Variants in ZNF136 observed in about 807,000 individuals in gnomAD.
The protein encoded by ZNF136 is zinc finger protein 136.
Under a neutral mutation model 11.4 loss-of-function variants are expected in ZNF136, and 8 were observed. That is an observed-to-expected ratio of 0.70 (90% CI 0.41 to 1.27). The LOEUF (loss-of-function observed/expected upper bound fraction) is 1.27, where lower values mean the gene tolerates loss of function less well. ZNF136 is among the 50% of genes most tolerant of loss of function. ZNF136 has a pLI of 0.01. For missense variants in ZNF136, 590 were observed against 656.5 expected (o/e 0.90, Z 1.11); for synonymous variants, 190 against 207.1 (o/e 0.92, Z 0.71).
Position 12,186,083 on chromosome 19 carries a change from A to G in ZNF136, c.131-31A>G, listed in dbSNP as rs764384908. Reference sequence around the variant, plus strand: ...AATAATTTTTCTATAATTTTGCACTAATTCAGAATTTTTCTGGGTCTCTGT... The same window carrying G: ...AATAATTTTTCTATAATTTTGCACTGATTCAGAATTTTTCTGGGTCTCTGT... On this transcript the variant is annotated intron_variant, in intron 2 of 3. Coordinates refer to ENST00000343979, the MANE Select transcript of ZNF136 (RefSeq NM_003437.5). The G allele has an allele frequency of 5.0e-6, 8 of 1,600,884 alleles. No individual in the cohort carries two copies. The South Asian group carries it at 9.1e-5, about 18-fold the overall frequency.
chr19:12,181,181 A>T (rs548782177), intron 1 of ZNF136, among the ~76,000 whole-genome samples: 2 of 152,344 alleles, frequency 1.3e-5, no homozygotes, highest in East Asian at 3.9e-4. Context: ...GAGACCCCGA[A>T]GATGGGAAAT....
chr19:12,168,040 TTTTTTCTTTTC>T, intron 1 of ZNF136, among the ~76,000 whole-genome samples: 1 of 150,388 alleles, frequency 6.6e-6, no homozygotes. Flanking sequence ...ATGCCCATTT[TTTTTTCTTTTC>T]TTTTTCTTTT....
At chr19:12,182,249 CTCTT>C (rs769903548) in intron 1 of ZNF136, among the ~76,000 whole-genome samples, 10 of 152,038 alleles carry the variant, frequency 6.6e-5, no homozygotes, top group Non-Finnish European at 1.2e-4. Flanking sequence ...CTTTGTGTCT[CTCTT>C]TTATCTTCTC....
rs569466391 is a variant in ZNF136, at chr19:12,170,374, G to A, written c.3+7168G>A. On this transcript the variant is annotated intron_variant, in intron 1 of 3. Transcript: ENST00000343979. ...GTAATTGTTGTTTTTGTCTCCAAGTGCTAATGCTTCATAAACTTCTTTTTT... is the reference window on the plus strand; with the variant it reads ...GTAATTGTTGTTTTTGTCTCCAAGTACTAATGCTTCATAAACTTCTTTTTT... 2.0e-5 allele frequency among the ~76,000 whole-genome samples: 3 copies of A among 152,080 alleles called. No individual in the cohort carries two copies. In the South Asian group the frequency reaches 6.2e-4, roughly 32 times the overall value.
chr19:12,182,517 G>C (rs1914970869), intron 1 of ZNF136, among the ~76,000 whole-genome samples: 1 of 152,226 alleles, frequency 6.6e-6, no homozygotes, highest in Non-Finnish European at 1.5e-5. Flanking sequence ...CCTCTGAAAA[G>C]CTCACCTCTT....
At chr19:12,174,289 T>A (rs762593159) in intron 1 of ZNF136, among the ~76,000 whole-genome samples, 4 of 152,292 alleles carry the variant, frequency 2.6e-5, no homozygotes, top group Non-Finnish European at 5.9e-5. Context: ...GTGAGGGGAA[T>A]AGCAAGGTGT....
intron 1 of ZNF136, among the ~76,000 whole-genome samples, chr19:12,171,981 T>C (rs936037357): frequency 2.5e-4 from 37 of 148,374 alleles, no homozygotes; most frequent in South Asian, 6.3e-4. Context: ...TCTCTCTCTT[T>C]TTTTTTTTTT....
Position 12,188,001 on chromosome 19 carries a change from A to G in ZNF136, c.1623A>G (p.Ter541=), listed in dbSNP as rs1427808999. ...ATAAATGCATGTGGGAAAGCCTTTA[A>G]TGCTCTGGGTTCATGTCAGATACAT... ...PPYKCMWESL[*] Residue 541 remains the stop codon, a stop_retained_variant, in exon 4 of 4, where the codon TAA becomes TAG. Coordinates refer to ENST00000343979, the MANE Select transcript of ZNF136 (RefSeq NM_003437.5). 6.6e-7 allele frequency: 1 copy of G among 1,520,804 alleles called. No individual in the cohort carries two copies. Among genetic ancestry groups the G allele is most frequent in the African/African-American group, 1.4e-5 (1 of 71,808 alleles). The allele number at this position is 1,520,804 out of a possible 1,614,324, so 94.2% of individuals were successfully genotyped here. A position where few individuals can be genotyped will look rare whatever the true frequency, so the allele number is the denominator to read the frequency against.
intron 2 of ZNF136, 54 bp downstream of exon 2, chr19:12,185,965 G>A: frequency 3.7e-6 from 6 of 1,610,106 alleles, no homozygotes; most frequent in Non-Finnish European, 5.1e-6. Flanking sequence ...TGCTTCTTGT[G>A]CAGTGATGCT....
chr19:12,178,038 C>A (rs186465524), intron 1 of ZNF136, among the ~76,000 whole-genome samples: 2 of 152,234 alleles, frequency 1.3e-5, no homozygotes, highest in East Asian at 3.9e-4. Flanking sequence ...GCCTGGGAGG[C>A]AGAGGTTGCA....
intron 1 of ZNF136, 144 bp downstream of exon 1, chr19:12,163,350 A>G (rs2145622986): frequency 8.9e-7 from 1 of 1,126,544 alleles, no homozygotes; most frequent in Non-Finnish European, 1.1e-6. Flanking sequence ...AGCCCTTGGT[A>G]CCCTCGGCCT....
chr19:12,174,737 G>T (rs762401076), intron 1 of ZNF136, among the ~76,000 whole-genome samples: 1 of 151,096 alleles, frequency 6.6e-6, no homozygotes, highest in Non-Finnish European at 1.5e-5. Flanking sequence ...CCAGGTCCAC[G>T]CCATTCTCCT....
intron 1 of ZNF136, among the ~76,000 whole-genome samples, chr19:12,176,208 G>T (rs1308283324): frequency 6.6e-6 from 1 of 152,120 alleles, no homozygotes; most frequent in African/African-American, 2.4e-5. Context: ...GAGGTTAAGA[G>T]ACACCCCTGT....
intron 1 of ZNF136, among the ~76,000 whole-genome samples, chr19:12,174,486 GTC>G (rs1316401190): frequency 2.6e-5 from 4 of 152,094 alleles, no homozygotes; most frequent in Non-Finnish European, 4.4e-5. Flanking sequence ...TGGTCTGTCT[GTC>G]TCTCTGGTAA....
In ZNF136 at chr19:12,183,548, A is replaced by AATAT. The variant is rs1555729179; in HGVS notation, c.4-2235_4-2234insATAT. On this transcript the variant is annotated intron_variant, in intron 1 of 3. Transcript: ENST00000343979. ...TCTTCATTATGGCTTCACATAACTG[A>AATAT]ATCTATCTATCTATCTATCTATCTA... 1.5e-4 allele frequency among the ~76,000 whole-genome samples: 22 copies of AATAT among 145,530 alleles called. 1 individual carries two copies. In the Admixed American group the frequency reaches 1.5e-3, roughly 10 times the overall value.
chr19:12,170,015 C>G (rs898211741), intron 1 of ZNF136, among the ~76,000 whole-genome samples: 1 of 149,630 alleles, frequency 6.7e-6, no homozygotes, highest in Non-Finnish European at 1.5e-5. Flanking sequence ...AGGGTGGTCT[C>G]GATCTCCTGA....
chr19:12,173,556 G>C (rs958617733), intron 1 of ZNF136, among the ~76,000 whole-genome samples: 1 of 152,168 alleles, frequency 6.6e-6, no homozygotes, highest in Admixed American at 6.5e-5. Flanking sequence ...AAGCTCCTGT[G>C]CTTGGGACCC....
chr19:12,174,298 G>T (rs1184996740), intron 1 of ZNF136, among the ~76,000 whole-genome samples: 1 of 152,184 alleles, frequency 6.6e-6, no homozygotes, highest in Admixed American at 6.5e-5. Flanking sequence ...ATAGCAAGGT[G>T]TGTTTTTTTC....
At chr19:12,182,564 C>T (rs1433755775) in intron 1 of ZNF136, among the ~76,000 whole-genome samples, 1 of 152,208 alleles carries the variant, frequency 6.6e-6, no homozygotes, top group African/African-American at 2.4e-5. Flanking sequence ...CCCCAGTTTT[C>T]ATTCTTTGGA....
Sources: allele counts gnomAD v4.1 joint callset (sites outside exome capture counted in the v4.1 genomes callset), GRCh38; gene constraint gnomAD v4.1.1; transcripts MANE v1.5; gene names NCBI Gene and HGNC (gene_info 2026-07-23, HGNC 2026-07-21).